Variants in DNASE1 observed in about 807,000 individuals in gnomAD.
DNASE1 encodes the protein deoxyribonuclease-1.
DNASE1 carries 40 observed loss-of-function variants against 33.9 expected under a neutral mutation model. The ratio of observed to expected loss-of-function variants is 1.18; its 90% CI spans 0.92 to 1.54. DNASE1 has a LOEUF of 1.54. Ranked by LOEUF, DNASE1 falls within the 40% of genes most tolerant of loss-of-function variation. The pLI is 0.00. For synonymous variants in DNASE1, 216 were observed against 160.0 expected (o/e 1.35, Z -2.64); for missense variants, 518 against 372.6 (o/e 1.39, Z -3.21).
chr16:3,630,331 G>A (rs1004138907), intron 1 of DNASE1, among the ~76,000 whole-genome samples: 13 of 152,050 alleles, frequency 8.5e-5, no homozygotes, highest in Non-Finnish European at 1.9e-4. Context: ...ACAGGCACAC[G>A]CCACCACACC....
chr16:3,661,794 G>A (rs987829840), downstream of DNASE1: 25 of 602,724 alleles, frequency 4.1e-5, no homozygotes, highest in African/African-American at 4.4e-4. Flanking sequence ...GGTGACACCT[G>A]GGGATGGTAA....
At chr16:3,635,770 C>A (rs1021742148) in intron 1 of DNASE1, among the ~76,000 whole-genome samples, 21 of 149,870 alleles carry the variant, frequency 1.4e-4, no homozygotes, top group African/African-American at 4.9e-4. Flanking sequence ...TGAATAATTT[C>A]TCAAAGAAGT....
chr16:3,612,594 G>C (rs952059086), intron 1 of DNASE1, among the ~76,000 whole-genome samples: 1 of 144,320 alleles, frequency 6.9e-6, no homozygotes, highest in African/African-American at 2.6e-5. Flanking sequence ...GTGGGGGCGG[G>C]GGGGGGAGTC....
exon 10 of DNASE1, chr16:3,665,280 G>A (rs1033327927): frequency 8.5e-5 from 13 of 152,372 alleles, no homozygotes; most frequent in African/African-American, 2.6e-4. Flanking sequence ...TCCTCCTGCT[G>A]CTGGGGAGAA....
intron 1 of DNASE1, among the ~76,000 whole-genome samples, chr16:3,613,222 G>T (rs541930938): frequency 3.9e-5 from 6 of 152,124 alleles, no homozygotes; most frequent in Non-Finnish European, 7.4e-5. Context: ...ATGTAAATGG[G>T]ATCATGTGAT....
intron 1 of DNASE1, among the ~76,000 whole-genome samples, chr16:3,620,526 A>G (rs543817128): frequency 6.6e-6 from 1 of 152,064 alleles, no homozygotes; most frequent in Non-Finnish European, 1.5e-5. Context: ...CTCAAAAAAA[A>G]AAAAAAAGTA....
upstream of DNASE1, chr16:3,651,079 C>T (rs2042321308): frequency 6.6e-6 from 1 of 152,204 alleles, no homozygotes; most frequent in South Asian, 2.1e-4. Context: ...CGCTTTCCCT[C>T]TTGATCAGTA....
rs781150236 is a variant in DNASE1 at position 3,657,125 on chromosome 16, A to G, written c.549+14A>G. The G allele has an allele frequency of 6.2e-7, 1 of 1,613,946 alleles. No individual in the cohort carries two copies. Among genetic ancestry groups the G allele is most frequent in the South Asian group, 1.1e-5 (1 of 91,094 alleles). ...TGGGGCTTGGAGGTGAGGCCCTCCC[A>G]GGGGCAGTGGGCACCAGCGGCCTCC... is the stretch of plus-strand genomic sequence containing the variant. On this transcript the variant is annotated intron_variant, in intron 6 of 8. Transcript: ENST00000246949.
downstream of DNASE1, chr16:3,660,636 A>G (rs546499027): frequency 6.6e-6 from 1 of 152,392 alleles, no homozygotes; most frequent in East Asian, 1.9e-4. Context: ...ACTGACAGCC[A>G]TAAGCCAAGT....
chr16:3,655,167 C>T (rs891388926), intron 1 of DNASE1, 123 bp downstream of exon 1: 2 of 676,520 alleles, frequency 3.0e-6, no homozygotes, highest in Admixed American at 2.9e-5. Context: ...GGCGGGTTTT[C>T]TGGTGGATGG....
intron 1 of DNASE1, among the ~76,000 whole-genome samples, chr16:3,647,262 A>AT (rs537295148): frequency 0.059 from 7,657 of 130,176 alleles, 549 homozygotes; most frequent in African/African-American, 0.17. Flanking sequence ...TAATCATGGG[A>AT]TTTTTTTTTT....
chr16:3,647,753 C>T (rs2042216783), intron 1 of DNASE1, among the ~76,000 whole-genome samples: 1 of 152,048 alleles, frequency 6.6e-6, no homozygotes, highest in Non-Finnish European at 1.5e-5. Flanking sequence ...CCTGTAATCC[C>T]AGCACTTTGG....
At chr16:3,658,627 C>G (rs150401264), downstream of DNASE1, 71 of 660,634 alleles carry the variant, frequency 1.1e-4, no homozygotes, top group Non-Finnish European at 1.7e-4. Context: ...GAGCCAAGAT[C>G]GCGCCACTGC....
At chr16:3,655,603 C>T in intron 2 of DNASE1, 83 bp downstream of exon 2, 3 of 1,598,768 alleles carry the variant, frequency 1.9e-6, no homozygotes, top group Non-Finnish European at 2.6e-6. Flanking sequence ...TATGGAGCCA[C>T]AGGGTGTCGG....
intron 1 of DNASE1, among the ~76,000 whole-genome samples, chr16:3,646,980 G>C (rs962070527): frequency 6.6e-6 from 1 of 152,118 alleles, no homozygotes; most frequent in Non-Finnish European, 1.5e-5. Context: ...AGTTTATGAT[G>C]CCTGATGCCC....
At chr16:3,624,268 C>G (rs1022493549) in intron 1 of DNASE1, among the ~76,000 whole-genome samples, 1 of 72,504 alleles carries the variant, frequency 1.4e-5, no homozygotes, top group African/African-American at 4.8e-5. Context: ...GACTCTGTCT[C>G]AAAAAAAAAA....
Position 3,656,171 on chromosome 16 carries a change from C to G in DNASE1, c.306C>G (p.Tyr102Ter), listed in dbSNP as rs1459050978. ...PLGRNSYKER[Y>*]LFVYRPDQVS... ...GACGGAACAGCTATAAGGAGCGCTACCTGTTCGTGTACAGGTGGGTGGTCT... is the reference window on the plus strand; with the variant it reads ...GACGGAACAGCTATAAGGAGCGCTAGCTGTTCGTGTACAGGTGGGTGGTCT... Residue 102 changes from tyrosine (Y) to a stop codon, truncating the protein, a stop_gained, in exon 4 of 9, where the codon TAC (tyrosine) becomes TAG (stop). Coordinates refer to ENST00000246949, the MANE Select transcript of DNASE1 (RefSeq NM_005223.4). LOFTEE classifies it high-confidence loss of function. 6.2e-7 allele frequency: 1 copy of G among 1,614,066 alleles called. No homozygotes were observed. Among genetic ancestry groups the G allele is most frequent in the East Asian group, 2.2e-5 (1 of 44,870 alleles).
intron 1 of DNASE1, among the ~76,000 whole-genome samples, chr16:3,617,313 C>T (rs10083805): frequency 6.4e-4 from 61 of 95,078 alleles, no homozygotes; most frequent in Non-Finnish European, 7.8e-4. Context: ...TCAACAAGAG[C>T]GAAACTCCAT....
intron 1 of DNASE1, among the ~76,000 whole-genome samples, chr16:3,644,988 G>C (rs1360447888): frequency 6.6e-6 from 1 of 152,026 alleles, no homozygotes; most frequent in Non-Finnish European, 1.5e-5. Context: ...AAATTAGCCA[G>C]GCCTGGTGGC....
Sources: gnomAD v4.1 joint callset for allele counts (sites outside exome capture counted in the v4.1 genomes callset) on GRCh38, gnomAD v4.1.1 for gene constraint, MANE v1.5 for transcripts, NCBI Gene and HGNC (gene_info 2026-07-23, HGNC 2026-07-21) for gene names.